NKAIN3: variants seen among roughly 807,000 people sequenced by gnomAD.
The protein encoded by NKAIN3 is sodium/potassium transporting ATPase interacting 3.
Under a neutral mutation model 30.2 loss-of-function variants are expected in NKAIN3, and 25 were observed. The observed-to-expected ratio is 0.83, with a 90% confidence interval of 0.60 to 1.16. NKAIN3 has a LOEUF of 1.16. Among genes scored for constraint, NKAIN3 ranks in the 50% most tolerant of loss-of-function variants. NKAIN3 has a pLI of 0.00. For missense variants in NKAIN3, 225 were observed against 254.1 expected (o/e 0.89, Z 0.78); for synonymous variants, 91 against 89.6 (o/e 1.02, Z -0.09).
At chr8:62,933,136 G>A (rs1303186515) in intron 5 of NKAIN3, among the ~76,000 whole-genome samples, 1 of 152,060 alleles carries the variant, frequency 6.6e-6, no homozygotes, top group East Asian at 1.9e-4. Flanking sequence ...TTAATCTTGG[G>A]AATATGATCA....
intron 1 of NKAIN3, among the ~76,000 whole-genome samples, chr8:62,461,923 T>A (rs956964740): frequency 6.6e-6 from 1 of 152,212 alleles, no homozygotes; most frequent in African/African-American, 2.4e-5. Context: ...GAGGAAATAA[T>A]GGCAGAACAC....
chr8:62,600,958 A>G (rs1810968354), intron 3 of NKAIN3, among the ~76,000 whole-genome samples: 1 of 152,028 alleles, frequency 6.6e-6, no homozygotes, highest in Non-Finnish European at 1.5e-5. Flanking sequence ...ATTTTCCTTC[A>G]AGGTTGGATT....
intron 4 of NKAIN3, among the ~76,000 whole-genome samples, chr8:62,899,552 A>T (rs1303250576): frequency 1.3e-5 from 2 of 152,142 alleles, no homozygotes; most frequent in Admixed American, 6.6e-5. Context: ...ACTCATGGAG[A>T]TAGACAGTAG....
rs528632761 is a variant in NKAIN3, at chr8:62,435,764, A to G, written c.55-143775A>G. 4.6e-5 allele frequency among the ~76,000 whole-genome samples: 7 copies of G among 152,340 alleles called. No homozygotes were observed. The East Asian group carries it at 1.3e-3, about 29-fold the overall frequency. The stretch of plus-strand genomic sequence containing the variant: ...TAAAATACAAAAGTTATTATAAATA[A>G]CATTTTGATGTACATTATTTTAGTT... On this transcript the variant is annotated intron_variant, in intron 1 of 6. Coordinates refer to ENST00000623646, the MANE Select transcript of NKAIN3 (RefSeq NM_001304533.3).
At chr8:62,581,061 C>CCA (rs1810274260) in intron 2 of NKAIN3, among the ~76,000 whole-genome samples, 1 of 148,628 alleles carries the variant, frequency 6.7e-6, no homozygotes, top group Non-Finnish European at 1.5e-5. Flanking sequence ...CATGATCATG[C>CCA]CACTCCACTC....
At chr8:62,637,617 T>C (rs1563494572) in intron 3 of NKAIN3, among the ~76,000 whole-genome samples, 1 of 152,156 alleles carries the variant, frequency 6.6e-6, no homozygotes, top group African/African-American at 2.4e-5. Context: ...CTTACTTCAT[T>C]TGACTCAAGG....
chr8:62,485,938 AACAAGT>A (rs1806887018), intron 1 of NKAIN3, among the ~76,000 whole-genome samples: 1 of 152,222 alleles, frequency 6.6e-6, no homozygotes, highest in South Asian at 2.1e-4. Context: ...GAGTGATGAC[AACAAGT>A]ACATATTAAT....
At chr8:62,402,162 C>T (rs1337085009) in intron 1 of NKAIN3, among the ~76,000 whole-genome samples, 1 of 152,206 alleles carries the variant, frequency 6.6e-6, no homozygotes, top group Non-Finnish European at 1.5e-5. Context: ...TTTCCCTTCA[C>T]TTTCCACATG....
intron 1 of NKAIN3, among the ~76,000 whole-genome samples, chr8:62,492,895 C>T (rs1040266178): frequency 6.6e-6 from 1 of 151,996 alleles, no homozygotes; most frequent in Non-Finnish European, 1.5e-5. Context: ...TGTAAGTGTT[C>T]CCTTTTCTCT....
chr8:62,671,833 C>G (rs752055112), intron 3 of NKAIN3, among the ~76,000 whole-genome samples: 1 of 152,004 alleles, frequency 6.6e-6, no homozygotes, highest in Admixed American at 6.6e-5. Flanking sequence ...AAAATGACTT[C>G]AGCAGTCCCA....
intron 4 of NKAIN3, among the ~76,000 whole-genome samples, chr8:62,783,496 C>T (rs546497734): frequency 1.3e-5 from 2 of 151,960 alleles, no homozygotes; most frequent in South Asian, 4.2e-4. Flanking sequence ...CAGAATGAGA[C>T]ACAGAGAATT....
At chr8:62,419,426 GAAGGGATTACTTTCGAT>G (rs1804562455) in intron 1 of NKAIN3, among the ~76,000 whole-genome samples, 1 of 152,198 alleles carries the variant, frequency 6.6e-6, no homozygotes, top group Non-Finnish European at 1.5e-5. Context: ...AACTCTGGAA[GAAGGGATTACTTTCGAT>G]AAGGAGAAAT....
intron 5 of NKAIN3, among the ~76,000 whole-genome samples, chr8:62,930,533 C>T (rs915343092): frequency 1.3e-5 from 2 of 152,084 alleles, no homozygotes; most frequent in African/African-American, 2.4e-5. Flanking sequence ...GGATTACAGG[C>T]GTGAGTCACA....
At chr8:62,541,444 A>G (rs1211765639) in intron 1 of NKAIN3, among the ~76,000 whole-genome samples, 1 of 152,188 alleles carries the variant, frequency 6.6e-6, no homozygotes, top group African/African-American at 2.4e-5. Context: ...CTCTTTTTGT[A>G]TCCACTGTTC....
At chr8:62,353,995 TTA>T (rs1189982137) in intron 1 of NKAIN3, among the ~76,000 whole-genome samples, 11 of 152,170 alleles carry the variant, frequency 7.2e-5, no homozygotes, top group Non-Finnish European at 8.8e-5. Flanking sequence ...GAAGGGTTGA[TTA>T]TAGCTCAATC....
chr8:62,730,851 T>C (rs1319499151), intron 3 of NKAIN3, among the ~76,000 whole-genome samples: 3 of 152,216 alleles, frequency 2.0e-5, no homozygotes, highest in Admixed American at 1.3e-4. Context: ...GTTTTAACTA[T>C]TAACAATTGA....
intron 4 of NKAIN3, chr8:62,863,294 T>C (rs1445901441): frequency 1.3e-6 from 2 of 1,551,872 alleles, no homozygotes; most frequent in Non-Finnish European, 8.7e-7. Flanking sequence ...TGTGGAGCCG[T>C]ACTCACTGCA....
At position 62,668,437 on chromosome 8, in the gene NKAIN3, A is replaced by G. The variant is rs149389397; in HGVS notation, c.274-78495A>G. 2.0e-3 allele frequency among the ~76,000 whole-genome samples: 308 copies of G among 152,294 alleles called. No homozygotes were observed. The Middle Eastern group carries it at 0.024, about 12-fold the overall frequency. ...AGTAGAGAGTAAATTATTTTTTTGA[A>G]TTTAGAACTTAGATTTTAACTATGA... is the stretch of plus-strand genomic sequence containing the variant. On this transcript the variant is annotated intron_variant, in intron 3 of 6. Coordinates refer to ENST00000623646, the MANE Select transcript of NKAIN3 (RefSeq NM_001304533.3).
At chr8:62,634,861 G>A (rs561071163) in intron 3 of NKAIN3, among the ~76,000 whole-genome samples, 3 of 152,210 alleles carry the variant, frequency 2.0e-5, no homozygotes, top group Non-Finnish European at 2.9e-5. Flanking sequence ...AACATGGAGA[G>A]AGAAGAGAAA....
Sources: allele counts gnomAD v4.1 joint callset (sites outside exome capture counted in the v4.1 genomes callset), GRCh38; gene constraint gnomAD v4.1.1; transcripts MANE v1.5; gene names NCBI Gene and HGNC (gene_info 2026-07-23, HGNC 2026-07-21).